The following FOCAD variants were observed in gnomAD, a reference collection of about 807,000 sequenced individuals.
FOCAD encodes the protein KIAA1797.
Under a neutral mutation model 225.6 loss-of-function variants are expected in FOCAD, and 198 were observed. That is an observed-to-expected ratio of 0.88 (90% CI 0.78 to 0.99). The LOEUF (loss-of-function observed/expected upper bound fraction) is 0.99. Ranked by LOEUF, FOCAD falls within the 50% of genes least tolerant of loss-of-function variation. FOCAD has a pLI of 0.00. For missense variants in FOCAD, 2,713 were observed against 2,123.6 expected (o/e 1.28, Z -5.46); for synonymous variants, 897 against 755.0 (o/e 1.19, Z -3.08).
At chr9:20,732,022 G>C (rs562313764) in intron 4 of FOCAD, among the ~76,000 whole-genome samples, 1 of 152,104 alleles carries the variant, frequency 6.6e-6, no homozygotes, top group Non-Finnish European at 1.5e-5. Flanking sequence ...AACATGTGCC[G>C]TGGTGGTTTG....
chr9:20,974,289 T>A (rs1456692937), intron 35 of FOCAD, among the ~76,000 whole-genome samples: 1 of 136,198 alleles, frequency 7.3e-6, no homozygotes, highest in African/African-American at 2.9e-5. Flanking sequence ...ACTTCCCCCT[T>A]CTTTCAGCAT....
At chr9:20,884,781 G>A (rs1830968698) in intron 20 of FOCAD, among the ~76,000 whole-genome samples, 1 of 151,926 alleles carries the variant, frequency 6.6e-6, no homozygotes, top group Non-Finnish European at 1.5e-5. Flanking sequence ...GTCTTTGTAA[G>A]CTGGGCGCGG....
chr9:20,892,808 T>C lies in FOCAD; in HGVS notation c.2625+7578T>C, dbSNP rs184816651. Among the ~76,000 whole-genome samples the C allele has an allele frequency of 2.0e-5, 3 of 152,194 alleles. No homozygotes were observed. In the East Asian group the frequency reaches 5.8e-4, roughly 29 times the overall value. Reference sequence around the variant, plus strand: ...GAAGCTATCAAACAGCATTGCATGATACAGAGAAATCTTTTGTGAAAGGAA... The same window carrying C: ...GAAGCTATCAAACAGCATTGCATGACACAGAGAAATCTTTTGTGAAAGGAA... On this transcript the variant is annotated intron_variant, in intron 21 of 43. Coordinates refer to ENST00000338382, the MANE Select transcript of FOCAD (RefSeq NM_001375567.1).
chr9:20,775,126 A>G (rs1818626853), intron 8 of FOCAD, among the ~76,000 whole-genome samples: 1 of 151,778 alleles, frequency 6.6e-6, no homozygotes, highest in Admixed American at 6.6e-5. Context: ...TTCTCTTTCT[A>G]CTCTTATATC....
intron 5 of FOCAD, among the ~76,000 whole-genome samples, chr9:20,753,806 G>C (rs1005433755): frequency 1.3e-5 from 2 of 150,198 alleles, no homozygotes; most frequent in Non-Finnish European, 2.9e-5. Context: ...TAATAATAAC[G>C]ATGATAATGT....
intron 15 of FOCAD, among the ~76,000 whole-genome samples, chr9:20,860,956 C>T (rs979327350): frequency 4.6e-5 from 7 of 152,186 alleles, no homozygotes; most frequent in African/African-American, 1.2e-4. Flanking sequence ...CCCACCAATA[C>T]TTGTGCTTTT....
intron 11 of FOCAD, among the ~76,000 whole-genome samples, chr9:20,806,453 C>T (rs1822466391): frequency 6.6e-6 from 1 of 152,030 alleles, no homozygotes; most frequent in Admixed American, 6.6e-5. Context: ...GTCGAAAATT[C>T]CTCCCTTCCC....
At chr9:20,702,304 A>G (rs1824023425) in intron 1 of FOCAD, among the ~76,000 whole-genome samples, 1 of 152,020 alleles carries the variant, frequency 6.6e-6, no homozygotes, top group South Asian at 2.1e-4. Context: ...GGGTATCACT[A>G]TGTTGCCTAG....
At chr9:20,782,000 GC>G in intron 10 of FOCAD, 71 bp downstream of exon 10, 1 of 1,320,000 alleles carries the variant, frequency 7.6e-7, no homozygotes, top group South Asian at 1.2e-5. Flanking sequence ...GGATAATCTT[GC>G]CTCCTGATGA....
intron 2 of FOCAD, among the ~76,000 whole-genome samples, chr9:20,670,274 A>G (rs530893990): frequency 1.3e-5 from 2 of 152,338 alleles, no homozygotes; most frequent in South Asian, 4.1e-4. Flanking sequence ...CTAAAAATCA[A>G]TCCTAATGAT....
At chr9:20,937,717 A>G (rs972820418) in intron 28 of FOCAD, among the ~76,000 whole-genome samples, 1 of 151,828 alleles carries the variant, frequency 6.6e-6, no homozygotes, top group African/African-American at 2.4e-5. Flanking sequence ...AGAAAGGCCA[A>G]AATTGACAAA....
rs930587053 is a variant in FOCAD, at chr9:20,667,113, C to T, written c.-78+8287C>T. 2.0e-5 allele frequency among the ~76,000 whole-genome samples: 3 copies of T among 152,154 alleles called. No individual in the cohort carries two copies. The East Asian group carries it at 5.8e-4, about 29-fold the overall frequency. Reference sequence around the variant, plus strand: ...AAGCTACTAATAATTACATTTAAGTCGAATTTCGAATCTACCACTAATTAG... The same window carrying T: ...AAGCTACTAATAATTACATTTAAGTTGAATTTCGAATCTACCACTAATTAG... On this transcript the variant is annotated intron_variant, in intron 2 of 45. Transcript: ENST00000380249.
intron 21 of FOCAD, among the ~76,000 whole-genome samples, chr9:20,895,107 T>G (rs1383622470): frequency 6.6e-6 from 1 of 152,054 alleles, no homozygotes; most frequent in Non-Finnish European, 1.5e-5. Flanking sequence ...GTTTGACTCA[T>G]TCTCAAATAT....
intron 27 of FOCAD, among the ~76,000 whole-genome samples, chr9:20,930,403 A>G (rs983351619): frequency 6.6e-5 from 10 of 152,202 alleles, no homozygotes; most frequent in Admixed American, 4.6e-4. Context: ...TTTGATGTCA[A>G]TGACTAGGCA....
chr9:20,950,852 A>C (rs1837618486), intron 33 of FOCAD, 144 bp from the exon 34 acceptor site: 1 of 666,702 alleles, frequency 1.5e-6, no homozygotes, highest in African/African-American at 1.8e-5. Context: ...TACTAGACAC[A>C]TGATATTACA....
intron 28 of FOCAD, among the ~76,000 whole-genome samples, chr9:20,936,338 C>G (rs902196437): frequency 1.3e-5 from 2 of 152,170 alleles, no homozygotes; most frequent in African/African-American, 4.8e-5. Flanking sequence ...TAGTTTCAGA[C>G]TAACAAAAGG....
chr9:20,786,823 T>C (rs1298464763), intron 10 of FOCAD: 1 of 169,476 alleles, frequency 5.9e-6, no homozygotes, highest in African/African-American at 2.4e-5. Flanking sequence ...CCAGTATTTA[T>C]TTAAATGTAT....
intron 15 of FOCAD, among the ~76,000 whole-genome samples, chr9:20,852,813 T>C (rs1355041912): frequency 6.6e-6 from 1 of 151,730 alleles, no homozygotes; most frequent in African/African-American, 2.4e-5. Flanking sequence ...ATGGATGATA[T>C]TTTTATTCTT....
At chr9:20,887,239 CTCT>C (rs1831173329) in intron 21 of FOCAD, among the ~76,000 whole-genome samples, 1 of 149,860 alleles carries the variant, frequency 6.7e-6, no homozygotes, top group Non-Finnish European at 1.5e-5. Flanking sequence ...CTTTTTCTTT[CTCT>C]TTTTTTTTTT....
Sources: allele counts gnomAD v4.1 joint callset (sites outside exome capture counted in the v4.1 genomes callset), GRCh38; gene constraint gnomAD v4.1.1; transcripts MANE v1.5; gene names NCBI Gene and HGNC (gene_info 2026-07-23, HGNC 2026-07-21).